The following MTFR1 variants were observed in gnomAD, a reference collection of about 807,000 sequenced individuals.
The protein encoded by MTFR1 is chondrocyte protein with a poly-proline region.
MTFR1 carries 28 observed loss-of-function variants against 38.8 expected under a neutral mutation model. That is an observed-to-expected ratio of 0.72 (90% CI 0.53 to 0.99). MTFR1 has a LOEUF of 0.99. Ranked by LOEUF, MTFR1 falls within the 50% of genes least tolerant of loss-of-function variation. MTFR1 has a pLI of 0.00. For synonymous variants in MTFR1, 145 were observed against 137.0 expected (o/e 1.06, Z -0.41); for missense variants, 358 against 395.5 (o/e 0.91, Z 0.81).
intron 3 of MTFR1, chr8:65,683,020 C>A (rs1804950052): frequency 4.2e-6 from 3 of 714,610 alleles, no homozygotes; most frequent in Admixed American, 6.3e-5. Flanking sequence ...AGTCTTAGAA[C>A]TTTTGAAGGT....
downstream of MTFR1, among the ~76,000 whole-genome samples, chr8:65,775,402 AT>A (rs1386303399): frequency 6.6e-6 from 1 of 152,290 alleles, no homozygotes; most frequent in African/African-American, 2.4e-5. Flanking sequence ...GAATATAAGT[AT>A]TTTTTAAGGC....
At chr8:65,763,037 G>GTA (rs1554562369) in intron 3 of MTFR1, among the ~76,000 whole-genome samples, 3 of 134,712 alleles carry the variant, frequency 2.2e-5, no homozygotes, top group Non-Finnish European at 4.8e-5. Flanking sequence ...GTGTGTGTGT[G>GTA]TATAAAATGA....
chr8:65,769,174 G>A (rs1020573235), intron 3 of MTFR1, among the ~76,000 whole-genome samples: 1 of 151,296 alleles, frequency 6.6e-6, no homozygotes, highest in African/African-American at 2.4e-5. Flanking sequence ...CTTGAACCAG[G>A]GAGTTGGTGG....
At chr8:65,683,239 C>G (rs1172484627) in intron 3 of MTFR1, among the ~76,000 whole-genome samples, 2 of 146,860 alleles carry the variant, frequency 1.4e-5, no homozygotes, top group Non-Finnish European at 1.5e-5. Flanking sequence ...TCAAGCACTT[C>G]TCCTGCCTCA....
intron 3 of MTFR1, among the ~76,000 whole-genome samples, chr8:65,763,750 G>T (rs1700185264): frequency 6.6e-6 from 1 of 152,114 alleles, no homozygotes; most frequent in African/African-American, 2.4e-5. Context: ...AAGATGAAAA[G>T]CAAAGTACAC....
chr8:65,768,827 GAAT>G (rs1307981918), intron 3 of MTFR1, among the ~76,000 whole-genome samples: 1 of 151,944 alleles, frequency 6.6e-6, no homozygotes. Context: ...TTCTGTGCTA[GAAT>G]AATAGATAAT....
intron 2 of MTFR1, among the ~76,000 whole-genome samples, chr8:65,673,284 G>A (rs540363523): frequency 5.3e-5 from 8 of 152,210 alleles, no homozygotes; most frequent in South Asian, 4.1e-4. Flanking sequence ...AACATTTATC[G>A]ATTAAGTTTG....
At chr8:65,754,537 C>T (rs1808124239) in intron 3 of MTFR1, among the ~76,000 whole-genome samples, 1 of 151,478 alleles carries the variant, frequency 6.6e-6, no homozygotes, top group Non-Finnish European at 1.5e-5. Context: ...GGGGTTTCAC[C>T]ATGTTGGCCA....
chr8:65,675,195 G>A (rs2129052215), intron 2 of MTFR1, among the ~76,000 whole-genome samples: 1 of 152,324 alleles, frequency 6.6e-6, no homozygotes, highest in South Asian at 2.1e-4. Context: ...GGAGGCTGAG[G>A]CAGGAGAATC....
In MTFR1 at chr8:65,707,223, A is replaced by C. The variant is rs1805809573; in HGVS notation, c.731A>C (p.Glu244Ala). 4 of 1,614,096 alleles carry C rather than the reference A, an allele frequency of 2.5e-6. No individual in the cohort carries two copies. Among genetic ancestry groups the C allele is most frequent in the African/African-American group, 1.3e-5 (1 of 74,942 alleles). The part of the protein sequence containing the change: ...EMPNMLEILK[E>A]MNSVKLRSVK... ...CCAAATATGCTAGAGATCCTTAAAG[A>C]GATGAACAGTGTAAAACTTCGGTCA... is the stretch of plus-strand genomic sequence containing the variant. The change falls in exon 6 of 8, where the codon GAG (glutamate) becomes GCG (alanine). Residue 244 changes from glutamate (E) to alanine (A), a missense_variant. Coordinates refer to ENST00000262146, the MANE Select transcript of MTFR1 (RefSeq NM_014637.4).
intron 3 of MTFR1, among the ~76,000 whole-genome samples, chr8:65,751,913 TCTCC>T (rs1238936334): frequency 6.6e-6 from 1 of 152,230 alleles, no homozygotes; most frequent in Admixed American, 6.5e-5. Context: ...TGTGGATCAC[TCTCC>T]CTGTCAGTGC....
downstream of MTFR1, among the ~76,000 whole-genome samples, chr8:65,771,529 C>T (rs868407756): frequency 2.0e-4 from 31 of 152,202 alleles, no homozygotes; most frequent in Admixed American, 8.5e-4. Flanking sequence ...TTTAAAAAGA[C>T]CTGACCCTGG....
chr8:65,667,049 G>A (rs1400660314), intron 1 of MTFR1, among the ~76,000 whole-genome samples: 3 of 152,148 alleles, frequency 2.0e-5, no homozygotes, highest in Admixed American at 6.6e-5. Context: ...TGAGGTGGTG[G>A]ATCGCCTGAG....
Position 65,669,907 on chromosome 8 carries a change from TGAA to T in MTFR1, c.-41_-39del. The T allele has an allele frequency of 2.6e-6, 4 of 1,518,876 alleles. No individual in the cohort carries two copies. Among genetic ancestry groups the T allele is most frequent in the Non-Finnish European group, 3.6e-6 (4 of 1,103,196 alleles). 94.1% of individuals were successfully genotyped at this position (1,518,876 alleles called of 1,614,324 possible). A position where few individuals can be genotyped will look rare whatever the true frequency, so the allele number is the denominator to read the frequency against. ...TGGACCATGTGCTGCTATGTATGCC[TGAA>T]GAAGTACTTGAAATGCAAATTTGGG... On this transcript the variant is annotated 5_prime_UTR_variant, in exon 2 of 8. Coordinates refer to ENST00000262146, the MANE Select transcript of MTFR1 (RefSeq NM_014637.4).
Position 65,709,000 on chromosome 8 carries a change from A to G in MTFR1, c.958A>G (p.Thr320Ala). Reference protein sequence around the residue: ...VLFGPHMLKPTGKMKALIENV... With the variant: ...VLFGPHMLKPAGKMKALIENV... ...GTTTGGGCCACACATGTTGAAGCCA[A>G]CAGGAAAAATGAAGGCTTTAATTGA... The change falls in exon 8 of 8, where the codon ACA (threonine) becomes GCA (alanine). Residue 320 changes from threonine to alanine, a missense_variant. Physicochemically the swap from Thr to Ala is moderately conservative, Grantham distance 58 (BLOSUM62 0). Coordinates refer to ENST00000262146, the MANE Select transcript of MTFR1 (RefSeq NM_014637.4). 1 of 1,614,038 alleles carries G rather than the reference A, an allele frequency of 6.2e-7. No individual in the cohort carries two copies. The highest frequency in any genetic ancestry group is 8.5e-7 in the Non-Finnish European group (1 of 1,179,890).
chr8:65,743,398 T>A (rs924904961), intron 3 of MTFR1, among the ~76,000 whole-genome samples: 1 of 151,908 alleles, frequency 6.6e-6, no homozygotes, highest in African/African-American at 2.4e-5. Context: ...GAACACTTAA[T>A]CACCAAGGGC....
chr8:65,652,217 G>A (rs1455062125), intron 1 of MTFR1, among the ~76,000 whole-genome samples: 1 of 151,856 alleles, frequency 6.6e-6, no homozygotes, highest in African/African-American at 2.4e-5. Context: ...AGCAACTCTC[G>A]TACCTCAACC....
At chr8:65,656,620 G>C (rs1235522992) in intron 1 of MTFR1, among the ~76,000 whole-genome samples, 2 of 151,188 alleles carry the variant, frequency 1.3e-5, no homozygotes, top group Non-Finnish European at 2.9e-5. Context: ...TCACGCCTCA[G>C]CCTCCCAAGT....
At chr8:65,758,299 A>G (rs939172078) in intron 3 of MTFR1, among the ~76,000 whole-genome samples, 2 of 152,238 alleles carry the variant, frequency 1.3e-5, no homozygotes, top group African/African-American at 4.8e-5. Flanking sequence ...GCTTAAAAAT[A>G]CAGTTATACT....
Sources: allele counts gnomAD v4.1 joint callset (sites outside exome capture counted in the v4.1 genomes callset), GRCh38; gene constraint gnomAD v4.1.1; transcripts MANE v1.5; gene names NCBI Gene and HGNC (gene_info 2026-07-23, HGNC 2026-07-21).